Variants in ASH1L observed in about 807,000 individuals in gnomAD.
The protein encoded by ASH1L is ASH1 like histone lysine methyltransferase.
A neutral mutation model predicts 269.0 loss-of-function variants in ASH1L; 23 were observed. The observed-to-expected ratio is 0.09, with a 90% CI of 0.06 to 0.12. The LOEUF is 0.12. Among genes scored for constraint, ASH1L ranks in the 10% least tolerant of loss-of-function variants. The pLI is 1.00. For missense variants in ASH1L, 2,912 were observed against 3,567.8 expected (o/e 0.82, Z 4.68); for synonymous variants, 1,187 against 1,253.5 (o/e 0.95, Z 1.12).
At chr1:155,516,590 C>G (rs1668517363) in intron 2 of ASH1L, among the ~76,000 whole-genome samples, 1 of 151,950 alleles carries the variant, frequency 6.6e-6, no homozygotes, top group South Asian at 2.1e-4. Context: ...GTCAGAAGTT[C>G]AAGACCAGCT....
intron 4 of ASH1L, among the ~76,000 whole-genome samples, chr1:155,446,991 A>C (rs953290706): frequency 3.9e-5 from 6 of 152,212 alleles, no homozygotes; most frequent in Non-Finnish European, 8.8e-5. Context: ...TGTACTGTTA[A>C]ACTCATTTAT....
rs1322587990 is a variant in ASH1L, at chr1:155,480,018, C to T, written c.2852G>A (p.Ser951Asn). ...QLQDPDDLDD[S>N]HRPSVCSMSD... ...CATACTACAGACACTTGGCCTATGA[C>T]TGTCATCTAGGTCATCTGGATCCTG... Residue 951 changes from serine to asparagine, a missense_variant, in exon 3 of 28, where the codon AGT becomes AAT. By Grantham distance (46) the Ser-to-Asn change is conservative. This residue lies in a region of ASH1L where 715 missense variants were observed against 721.0 expected (regional missense o/e 0.99). Transcript: ENST00000392403. 6 of 1,613,926 alleles carry T rather than the reference C, an allele frequency of 3.7e-6. No homozygotes were observed. The highest frequency in any genetic ancestry group is 5.1e-6 in the Non-Finnish European group (6 of 1,180,016).
chr1:155,439,146 G>A (rs1662345255), intron 4 of ASH1L, 78 bp from the exon 5 acceptor site: 1 of 1,389,126 alleles, frequency 7.2e-7, no homozygotes, highest in African/African-American at 1.4e-5. Flanking sequence ...ACAGATAAAA[G>A]GGAGTACTAC....
At chr1:155,509,806 A>G (rs964230071) in intron 2 of ASH1L, among the ~76,000 whole-genome samples, 9 of 151,808 alleles carry the variant, frequency 5.9e-5, no homozygotes, top group Non-Finnish European at 1.0e-4. Context: ...CTCAAATGAT[A>G]ATAATAATAA....
At chr1:155,364,130 T>C (rs563693940) in intron 12 of ASH1L, among the ~76,000 whole-genome samples, 1 of 151,746 alleles carries the variant, frequency 6.6e-6, no homozygotes, top group South Asian at 2.1e-4. Context: ...TCCATCCCTA[T>C]CAAAAAATAC....
chr1:155,449,490 G>T (rs1166045717), intron 4 of ASH1L, among the ~76,000 whole-genome samples: 2 of 151,008 alleles, frequency 1.3e-5, no homozygotes, highest in Non-Finnish European at 2.9e-5. Context: ...AATTCCACAC[G>T]CACTTCAAAA....
intron 12 of ASH1L, among the ~76,000 whole-genome samples, chr1:155,365,230 A>T (rs1007344647): frequency 2.0e-5 from 3 of 151,810 alleles, no homozygotes; most frequent in South Asian, 2.1e-4. Flanking sequence ...TTTGAGATGG[A>T]GTTTTGCTCT....
At chr1:155,344,931 G>C (rs1233561116) in intron 21 of ASH1L, among the ~76,000 whole-genome samples, 2 of 152,050 alleles carry the variant, frequency 1.3e-5, no homozygotes, top group African/African-American at 4.8e-5. Flanking sequence ...TTCCTTTCAT[G>C]GACATCTGAT....
In ASH1L at chr1:155,344,088, C is replaced by T. The variant is rs767840436; in HGVS notation, c.7981+95G>A. On this transcript the variant is annotated intron_variant, in intron 22 of 27. Transcript: ENST00000392403. ...CTTATATTCTATTGCTATTCGAGGCCGTATGGAGACAATGACTATGATGGA... is the reference window on the plus strand; with the variant it reads ...CTTATATTCTATTGCTATTCGAGGCTGTATGGAGACAATGACTATGATGGA... 73 of 1,093,748 alleles carry T rather than the reference C, an allele frequency of 6.7e-5. 1 individual carries two copies. The highest frequency in any genetic ancestry group is 9.2e-5 in the Non-Finnish European group (67 of 729,170). The allele number at this position is 1,093,748 out of a possible 1,614,324, so 67.8% of individuals were successfully genotyped here.
At chr1:155,474,375 C>A (rs1030934157) in intron 3 of ASH1L, among the ~76,000 whole-genome samples, 1 of 152,120 alleles carries the variant, frequency 6.6e-6, no homozygotes, top group Non-Finnish European at 1.5e-5. Flanking sequence ...AAATCCTCCG[C>A]TTCAACGTTC....
intron 7 of ASH1L, among the ~76,000 whole-genome samples, chr1:155,388,158 A>C (rs925762215): frequency 1.2e-4 from 19 of 152,166 alleles, no homozygotes; most frequent in Admixed American, 9.8e-4. Context: ...GCCATGGGGG[A>C]GGGCACTAAG....
At chr1:155,406,726 A>G (rs1386694373) in intron 6 of ASH1L, among the ~76,000 whole-genome samples, 1 of 152,136 alleles carries the variant, frequency 6.6e-6, no homozygotes, top group Non-Finnish European at 1.5e-5. Flanking sequence ...TAAAAAAGCT[A>G]TAGTAATCAA....
chr1:155,527,477 G>C (rs578168455), intron 1 of ASH1L, among the ~76,000 whole-genome samples: 3 of 148,478 alleles, frequency 2.0e-5, no homozygotes, highest in Non-Finnish European at 4.5e-5. Flanking sequence ...CCTATCAACA[G>C]AATTTGGCAC....
intron 5 of ASH1L, among the ~76,000 whole-genome samples, chr1:155,437,983 G>C (rs1662233012): frequency 1.3e-5 from 2 of 152,020 alleles, no homozygotes; most frequent in Admixed American, 1.3e-4. Context: ...TGAGTAGCTG[G>C]GATTACAGGA....
At chr1:155,407,083 C>T (rs1458240919) in intron 6 of ASH1L, among the ~76,000 whole-genome samples, 6 of 152,098 alleles carry the variant, frequency 3.9e-5, no homozygotes, top group Non-Finnish European at 7.4e-5. Flanking sequence ...ATTAGCCAGG[C>T]GTGGTGGTGC....
At chr1:155,442,527 GAGCCGAGATCACGCCACTGCCCTCC>G (rs945431957) in intron 4 of ASH1L, among the ~76,000 whole-genome samples, 5 of 144,562 alleles carry the variant, frequency 3.5e-5, no homozygotes, top group Admixed American at 2.9e-4. Flanking sequence ...AGGTTGCAGT[GAGCCGAGATCACGCCACTGCCCTCC>G]AGCCTGGGCG....
chr1:155,549,876 T>C (rs1671077201), intron 1 of ASH1L, among the ~76,000 whole-genome samples: 1 of 152,146 alleles, frequency 6.6e-6, no homozygotes, highest in Admixed American at 6.6e-5. Flanking sequence ...AGGCCATCAC[T>C]GAAGTCATCC....
At chr1:155,544,336 G>A (rs1670647262) in intron 1 of ASH1L, among the ~76,000 whole-genome samples, 1 of 151,524 alleles carries the variant, frequency 6.6e-6, no homozygotes, top group African/African-American at 2.4e-5. Flanking sequence ...ACCCAGGCTG[G>A]AGTACAGTGG....
chr1:155,388,438 A>G (rs1261100815), intron 7 of ASH1L, among the ~76,000 whole-genome samples: 1 of 151,366 alleles, frequency 6.6e-6, no homozygotes, highest in African/African-American at 2.4e-5. Flanking sequence ...CCACAGGTGC[A>G]TGTCACCATA....
Sources: allele counts gnomAD v4.1 joint callset (sites outside exome capture counted in the v4.1 genomes callset), GRCh38; gene constraint gnomAD v4.1.1; regional missense constraint gnomAD v4.1.1; transcripts MANE v1.5; gene names NCBI Gene and HGNC (gene_info 2026-07-23, HGNC 2026-07-21).